Variants in GRM7 observed in about 807,000 individuals in gnomAD.
GRM7 encodes the protein metabotropic glutamate receptor 7.
Under a neutral mutation model 84.5 loss-of-function variants are expected in GRM7, and 35 were observed. The ratio of observed to expected loss-of-function variants is 0.41; its 90% confidence interval spans 0.32 to 0.55. GRM7 has a LOEUF of 0.55. GRM7 is among the 20% of genes least tolerant of loss of function. The pLI, the probability that GRM7 is intolerant of heterozygous loss-of-function variation, is 0.19. For missense variants in GRM7, 1,003 were observed against 1,194.6 expected, an observed-to-expected ratio of 0.84 and a Z score of 2.36; for synonymous variants, 487 against 455.1, an observed-to-expected ratio of 1.07 and a Z score of -0.89.
At chr3:7,116,375 T>A (rs17046802) in intron 1 of GRM7, among the ~76,000 whole-genome samples, 52 of 152,228 alleles carry the variant, frequency 3.4e-4, no homozygotes, top group African/African-American at 1.2e-3. Context: ...ATATTGAATA[T>A]ATAAAACCAT....
In GRM7 at chr3:6,862,233, T is replaced by C. The variant is rs1211024787; in HGVS notation, c.519+326T>C. On this transcript the variant is annotated intron_variant, in intron 1 of 9. Transcript: ENST00000357716. The surrounding 1 kb of genome is among the most constrained non-coding windows in gnomAD (Gnocchi z 5.2). ...GGTGAAATATGGTCCGAAAACAGGC[T>C]CGTAAAAGTGCCAGGCTCCTAGGAG... is the stretch of plus-strand genomic sequence containing the variant. 1.3e-5 allele frequency among the ~76,000 whole-genome samples: 2 copies of C among 151,912 alleles called. No homozygotes were observed. The highest frequency in any genetic ancestry group is 2.9e-5 in the Non-Finnish European group (2 of 67,986).
rs141719181 is a variant in GRM7 at position 7,207,648 on chromosome 3, C to G, written c.736+60980C>G. On this transcript the variant is annotated intron_variant, in intron 2 of 9. Transcript: ENST00000357716. ...TCCTAATACTAGTGTCTTCATAAACCGAGATTTCAATATCAAGTGAAGGAT... is the reference window on the plus strand; with the variant it reads ...TCCTAATACTAGTGTCTTCATAAACGGAGATTTCAATATCAAGTGAAGGAT... 4.7e-3 allele frequency among the ~76,000 whole-genome samples: 712 copies of G among 152,156 alleles called. 2 individuals are homozygous for G. Among genetic ancestry groups the G allele is most frequent in the Admixed American group, 9.7e-3 (149 of 15,284 alleles).
At chr3:7,244,744 A>T (rs1697692967) in intron 2 of GRM7, among the ~76,000 whole-genome samples, 1 of 152,092 alleles carries the variant, frequency 6.6e-6, no homozygotes. Flanking sequence ...TTGACAATGT[A>T]CCATTCATAA....
At chr3:7,395,928 A>T (rs1695195897) in intron 4 of GRM7, among the ~76,000 whole-genome samples, 1 of 152,190 alleles carries the variant, frequency 6.6e-6, no homozygotes, top group African/African-American at 2.4e-5. Flanking sequence ...TCACGCAGAT[A>T]AATGATACAT....
chr3:7,180,025 T>G (rs1427006610), intron 2 of GRM7, among the ~76,000 whole-genome samples: 1 of 152,212 alleles, frequency 6.6e-6, no homozygotes, highest in African/African-American at 2.4e-5. Context: ...TTAATTGACC[T>G]TAGAATCTAC....
chr3:7,177,709 G>A (rs1239674811), intron 2 of GRM7, among the ~76,000 whole-genome samples: 2 of 152,048 alleles, frequency 1.3e-5, no homozygotes, highest in Non-Finnish European at 2.9e-5. Flanking sequence ...TAAATATCGA[G>A]AATCATGATA....
intron 1 of GRM7, among the ~76,000 whole-genome samples, chr3:7,001,293 T>C (rs905408716): frequency 6.6e-6 from 1 of 152,110 alleles, no homozygotes; most frequent in East Asian, 1.9e-4. Context: ...GAGGCTACAG[T>C]GAGCTGTGAT....
At chr3:7,166,261 G>A (rs1013923516) in intron 2 of GRM7, among the ~76,000 whole-genome samples, 29 of 152,166 alleles carry the variant, frequency 1.9e-4, no homozygotes, top group Middle Eastern at 3.4e-3. Flanking sequence ...TAATAGTGGC[G>A]TCTATGAATT....
At chr3:7,644,213 C>CGTGT (rs879687003) in intron 8 of GRM7, among the ~76,000 whole-genome samples, 53,961 of 133,804 alleles carry the variant, frequency 0.4, 13,193 homozygotes, top group East Asian at 0.6. Context: ...TATGTCTGTA[C>CGTGT]ATATATATGT....
At chr3:7,051,241 C>T (rs1696988689) in intron 1 of GRM7, among the ~76,000 whole-genome samples, 1 of 151,752 alleles carries the variant, frequency 6.6e-6, no homozygotes, top group Non-Finnish European at 1.5e-5. Context: ...TTTACAAAAA[C>T]GTTCAAACTC....
At chr3:7,579,530 C>T (rs1695141527) in intron 8 of GRM7, among the ~76,000 whole-genome samples, 173 bp downstream of exon 8, 1 of 152,158 alleles carries the variant, frequency 6.6e-6, no homozygotes, top group Non-Finnish European at 1.5e-5. Flanking sequence ...GAGTCTAAAA[C>T]TGAGCCACGT....
At position 6,862,023 on chromosome 3, in the gene GRM7, C is replaced by A; in HGVS notation, c.519+116C>A. ...AGGTCAGCCTTCGCTCATTTCCTCC[C>A]TGGAGATCCTGCCGAATCCCTCCCA... On this transcript the variant is annotated intron_variant, in intron 1 of 9. Transcript: ENST00000357716. The surrounding 1 kb of genome is among the most constrained non-coding windows in gnomAD (Gnocchi z 5.2). 1 of 809,852 alleles carries A rather than the reference C, an allele frequency of 1.2e-6. No individual in the cohort carries two copies. The highest frequency in any genetic ancestry group is 2.7e-5 in the East Asian group (1 of 37,436). The allele number at this position is 809,852 out of a possible 1,614,324, so 50.2% of individuals were successfully genotyped here. A position where few individuals can be genotyped will look rare whatever the true frequency, so the allele number is the denominator to read the frequency against.
At chr3:7,006,547 C>T (rs780883594) in intron 1 of GRM7, among the ~76,000 whole-genome samples, 15 of 152,066 alleles carry the variant, frequency 9.9e-5, no homozygotes, top group Non-Finnish European at 2.2e-4. Context: ...TATTGTTTTG[C>T]CATAGTAATA....
intron 1 of GRM7, among the ~76,000 whole-genome samples, chr3:7,015,301 C>T (rs187132727): frequency 5.3e-5 from 8 of 152,010 alleles, no homozygotes; most frequent in East Asian, 3.9e-4. Context: ...TTGAAGTCCG[C>T]GAGACCAAGA....
chr3:7,635,803 A>G (rs1248286187), intron 8 of GRM7, among the ~76,000 whole-genome samples: 1 of 152,098 alleles, frequency 6.6e-6, no homozygotes, highest in Non-Finnish European at 1.5e-5. Context: ...CTTCCTGAGT[A>G]TCTGGGACTA....
At chr3:7,282,124 C>T (rs1335153552) in intron 2 of GRM7, among the ~76,000 whole-genome samples, 3 of 152,140 alleles carry the variant, frequency 2.0e-5, no homozygotes. Flanking sequence ...AATTCCTATG[C>T]ACATTACAAT....
chr3:7,323,966 G>T (rs944282946), intron 4 of GRM7, among the ~76,000 whole-genome samples: 3 of 152,112 alleles, frequency 2.0e-5, no homozygotes, highest in Admixed American at 6.6e-5. Context: ...GGATATGATG[G>T]ATATTACCAC....
chr3:7,207,207 A>G (rs1696269027), intron 2 of GRM7, among the ~76,000 whole-genome samples: 1 of 152,170 alleles, frequency 6.6e-6, no homozygotes, highest in African/African-American at 2.4e-5. Context: ...ACATGGGGAC[A>G]GTGGCTCTTC....
intron 2 of GRM7, among the ~76,000 whole-genome samples, chr3:7,186,508 T>C (rs978433976): frequency 6.6e-6 from 1 of 152,228 alleles, no homozygotes; most frequent in African/African-American, 2.4e-5. Flanking sequence ...ATCCTGATTG[T>C]TCATTAAAAC....
Sources: allele counts gnomAD v4.1 joint callset (sites outside exome capture counted in the v4.1 genomes callset), GRCh38; gene constraint gnomAD v4.1.1; non-coding constraint Gnocchi (gnomAD v3.1); transcripts MANE v1.5; gene names NCBI Gene and HGNC (gene_info 2026-07-23, HGNC 2026-07-21).